Variants in LIPG observed in about 807,000 individuals in gnomAD.
LIPG encodes lipase G, endothelial type, also known as endothelial lipase.
LIPG carries 34 observed loss-of-function variants against 51.8 expected under a neutral mutation model. The observed-to-expected ratio is 0.66, with a 90% confidence interval of 0.50 to 0.87. LIPG has a LOEUF of 0.87. LIPG is among the 40% of genes least tolerant of loss of function. The pLI is 0.00. For synonymous variants in LIPG, 246 were observed against 246.1 expected (o/e 1.00, Z 0.00); for missense variants, 580 against 652.7 (o/e 0.89, Z 1.21).
chr18:49,582,568 G>A, intron 7 of LIPG, 86 bp downstream of exon 7: 2 of 1,562,610 alleles, frequency 1.3e-6, no homozygotes, highest in Non-Finnish European at 1.8e-6. Context: ...GTGTGAACGA[G>A]TACAGCACGC....
intron 4 of LIPG, among the ~76,000 whole-genome samples, chr18:49,570,028 C>T (rs1005008382): frequency 2.0e-5 from 3 of 152,228 alleles, no homozygotes; most frequent in African/African-American, 7.2e-5. Flanking sequence ...TTCAGGTCTC[C>T]ACCCAAGGAC....
At chr18:49,590,019 G>A in intron 9 of LIPG, 2 of 228,198 alleles carry the variant, frequency 8.8e-6, no homozygotes. Context: ...GATTCAGAGA[G>A]GTTCAGTGGT....
chr18:49,594,809 T>C lies in LIPG; in HGVS notation c.*4287T>C, dbSNP rs369476223. The C allele has an allele frequency of 2.0e-5, 3 of 152,320 alleles. No individual in the cohort carries two copies. Among genetic ancestry groups the C allele is most frequent in the East Asian group, 3.9e-4 (2 of 5,186 alleles). 9.4% of individuals were successfully genotyped at this position (152,320 alleles called of 1,614,324 possible). ...CTGAAACCAGGCTTGATAATGGCTGTAGGGAGTTGGGTTAGACAATAAGAG... is the reference window on the plus strand; with the variant it reads ...CTGAAACCAGGCTTGATAATGGCTGCAGGGAGTTGGGTTAGACAATAAGAG... On this transcript the variant is annotated 3_prime_UTR_variant, in exon 10 of 10. Transcript: ENST00000261292.
intron 9 of LIPG, among the ~76,000 whole-genome samples, chr18:49,588,531 C>T (rs1228475202): frequency 6.6e-6 from 1 of 152,168 alleles, no homozygotes; most frequent in African/African-American, 2.4e-5. Context: ...AACTCTTGAT[C>T]TCAAGTGATC....
At chr18:49,567,948 C>T (rs1600544660) in intron 3 of LIPG, among the ~76,000 whole-genome samples, 1 of 152,160 alleles carries the variant, frequency 6.6e-6, no homozygotes, top group East Asian at 1.9e-4. Context: ...GGCTTGTGAT[C>T]TGAAATTCCT....
chr18:49,575,523 C>T lies in LIPG; in HGVS notation c.726C>T (p.Tyr242=), dbSNP rs1480380219. 2 of 1,614,164 alleles carry T rather than the reference C, an allele frequency of 1.2e-6. No homozygotes were observed. Among genetic ancestry groups the T allele is most frequent in the South Asian group, 1.1e-5 (1 of 91,082 alleles). ...IQMPVGHIDI[Y]PNGGDFQPGC... The stretch of plus-strand genomic sequence containing the variant: ...TGCCTGTGGGCCACATTGACATCTA[C>T]CCCAATGGGGGTGACTTCCAGCCAG... Residue 242 remains tyrosine (Y), a synonymous_variant, in exon 5 of 10, where the codon TAC becomes TAT. Coordinates refer to ENST00000261292, the MANE Select transcript of LIPG (RefSeq NM_006033.4).
Position 49,562,072 on chromosome 18 carries a change from C to T in LIPG, c.-237C>T, listed in dbSNP as rs2084555328. 6.9e-7 allele frequency: 1 copy of T among 1,440,410 alleles called. No homozygotes were observed. The highest frequency in any genetic ancestry group is 1.4e-5 in the African/African-American group (1 of 69,736). 89.2% of individuals were successfully genotyped at this position (1,440,410 alleles called of 1,614,324 possible). ...GGAGCGTGACAGCAGCGAGTCCTTG[C>T]CTCCCGGCGGCTCAGGACGAGGGCA... On this transcript the variant is annotated 5_prime_UTR_variant, in exon 1 of 10. Transcript: ENST00000261292.
At chr18:49,566,321 A>G (rs942536838) in intron 2 of LIPG, among the ~76,000 whole-genome samples, 5 of 152,298 alleles carry the variant, frequency 3.3e-5, no homozygotes, top group Admixed American at 3.3e-4. Flanking sequence ...TCATCACACA[A>G]CCTACAATCA....
chr18:49,583,528 G>GT lies in LIPG; in HGVS notation c.1158-27dup, dbSNP rs757211939. 2.5e-6 allele frequency: 4 copies of GT among 1,603,330 alleles called. No homozygotes were observed. In the African/African-American group the frequency reaches 5.3e-5, roughly 21 times the overall value. ...TGGCAGTTTTCCAGCTGTTAGGGGA[G>GT]TGAGATCAGCTTCTCTCCCACTTGT... On this transcript the variant is annotated intron_variant, in intron 7 of 9. Coordinates refer to ENST00000261292, the MANE Select transcript of LIPG (RefSeq NM_006033.4).
chr18:49,588,060 G>A (rs1156545402), intron 9 of LIPG, among the ~76,000 whole-genome samples: 1 of 152,012 alleles, frequency 6.6e-6, no homozygotes, highest in Non-Finnish European at 1.5e-5. Flanking sequence ...AGAGTGCTGG[G>A]ATTACAGGTG....
Position 49,569,555 on chromosome 18 carries a change from T to G in LIPG, c.571+7T>G, listed in dbSNP as rs2084642210. On this transcript the variant is annotated splice_region_variant and intron_variant, in intron 4 of 9. Transcript: ENST00000261292. ...ACGGTGGGCCGAATCACAGGTGAGC[T>G]CCACTTCCATCACTAAAGGGCTCCC... 1 of 1,607,008 alleles carries G rather than the reference T, an allele frequency of 6.2e-7. No individual in the cohort carries two copies. Among genetic ancestry groups the G allele is most frequent in the African/African-American group, 1.3e-5 (1 of 74,754 alleles).
At chr18:49,571,347 A>G (rs183311126) in intron 4 of LIPG, among the ~76,000 whole-genome samples, 70 of 152,296 alleles carry the variant, frequency 4.6e-4, no homozygotes, top group Middle Eastern at 6.8e-3. Flanking sequence ...GCCTTTCTCT[A>G]TTTCTAAATC....
At chr18:49,565,622 C>T in intron 2 of LIPG, 124 bp downstream of exon 2, 1 of 1,091,928 alleles carries the variant, frequency 9.2e-7, no homozygotes, top group Non-Finnish European at 1.4e-6. Context: ...TTGTGGGCTG[C>T]TTGTATTTCA....
chr18:49,590,763 A>G lies in LIPG; in HGVS notation c.*241A>G. ...ACTCCAAACCTCTGTCCACACCTCC[A>G]GAGCACCAAGTCCAGATTTGTGTGT... On this transcript the variant is annotated 3_prime_UTR_variant, in exon 10 of 10. Coordinates refer to ENST00000261292, the MANE Select transcript of LIPG (RefSeq NM_006033.4). 1.7e-6 allele frequency: 1 copy of G among 591,142 alleles called. No individual in the cohort carries two copies. The highest frequency in any genetic ancestry group is 2.0e-5 in the South Asian group (1 of 51,060). The allele number at this position is 591,142 out of a possible 1,614,324, so 36.6% of individuals were successfully genotyped here.
chr18:49,583,884 A>G (rs1029669146), intron 8 of LIPG, 110 bp downstream of exon 8: 4 of 1,007,660 alleles, frequency 4.0e-6, no homozygotes, highest in Admixed American at 2.4e-5. Context: ...TCCCTCCAGC[A>G]TGCAGGTAAA....
chr18:49,574,278 T>C (rs1467517483), intron 4 of LIPG, among the ~76,000 whole-genome samples: 1 of 152,160 alleles, frequency 6.6e-6, no homozygotes, highest in East Asian at 1.9e-4. Context: ...TGAATTAAGG[T>C]ATAAATTCAG....
At chr18:49,573,627 T>C (rs1021450835) in intron 4 of LIPG, among the ~76,000 whole-genome samples, 1 of 152,144 alleles carries the variant, frequency 6.6e-6, no homozygotes, top group Non-Finnish European at 1.5e-5. Context: ...GGAAACTATT[T>C]AGCGTTTCAG....
At position 49,579,964 on chromosome 18, in the gene LIPG, C is replaced by T. The variant is rs920629660; in HGVS notation, c.794-1451C>T. On this transcript the variant is annotated intron_variant, in intron 5 of 9. Coordinates refer to ENST00000261292, the MANE Select transcript of LIPG (RefSeq NM_006033.4). ...AGTAGCAGGGACTACAGGTGCTTAC[C>T]ACCATGTACAGTTAATTTTTTGTAT... is the stretch of plus-strand genomic sequence containing the variant. Among the ~76,000 whole-genome samples, 4 of 152,014 alleles carry T rather than the reference C, an allele frequency of 2.6e-5. No homozygotes were observed. In the East Asian group the frequency reaches 7.7e-4, roughly 29 times the overall value.
Position 49,567,425 on chromosome 18 carries a change from T to C in LIPG, c.280-17T>C. ...CTGAAACCAAGAATAAAAAACAACT[T>C]CCACTTTTCTCTGCAGATGAGCGGT... On this transcript the variant is annotated splice_polypyrimidine_tract_variant and intron_variant, in intron 2 of 9. Coordinates refer to ENST00000261292, the MANE Select transcript of LIPG (RefSeq NM_006033.4). 1.2e-6 allele frequency: 2 copies of C among 1,612,566 alleles called. No individual in the cohort carries two copies. The highest frequency in any genetic ancestry group is 1.1e-5 in the South Asian group (1 of 90,792).
Sources: gnomAD v4.1 joint callset for allele counts (sites outside exome capture counted in the v4.1 genomes callset) on GRCh38, gnomAD v4.1.1 for gene constraint, MANE v1.5 for transcripts, NCBI Gene and HGNC (gene_info 2026-07-23, HGNC 2026-07-21) for gene names.